The following SERPING1 variants were observed in gnomAD, a reference collection of about 807,000 sequenced individuals.
The protein encoded by SERPING1 is serpin family G member 1.
SERPING1 carries 5 observed loss-of-function variants against 34.1 expected under a neutral mutation model. That is an observed-to-expected ratio of 0.15 (90% CI 0.08 to 0.31). The LOEUF (loss-of-function observed/expected upper bound fraction) is 0.31, where lower values mean the gene tolerates loss of function less well. SERPING1 is among the 10% of genes least tolerant of loss of function. SERPING1 has a pLI of 1.00. For synonymous variants in SERPING1, 225 were observed against 242.4 expected, an observed-to-expected ratio of 0.93 and a Z score of 0.67; for missense variants, 505 against 609.5, an observed-to-expected ratio of 0.83 and a Z score of 1.81.
chr11:57,600,224 T>G lies in SERPING1; in HGVS notation c.397T>G (p.Leu133Val). Residue 133 changes from leucine to valine, a missense_variant, in exon 3 of 8, where the codon TTG (leucine) becomes GTG (valine). By Grantham distance (32) the Leu-to-Val change is conservative. Coordinates refer to ENST00000278407, the MANE Select transcript of SERPING1 (RefSeq NM_000062.3). ...CPGPVTLCSDLESHSTEAVLG... is the reference protein window; with the variant it reads ...CPGPVTLCSDVESHSTEAVLG... ...AGGACCTGTTACTCTCTGCTCTGAC[T>G]TGGAGAGTCATTCAACAGAGGCCGT... is the stretch of plus-strand genomic sequence containing the variant. 6.2e-7 allele frequency: 1 copy of G among 1,613,908 alleles called. No homozygotes were observed. Among genetic ancestry groups the G allele is most frequent in the Non-Finnish European group, 8.5e-7 (1 of 1,179,970 alleles).
chr11:57,614,416 G>A lies in SERPING1; in HGVS notation c.1338G>A (p.Val446=). 1 of 1,614,140 alleles carries A rather than the reference G, an allele frequency of 6.2e-7. No homozygotes were observed. Among genetic ancestry groups the A allele is most frequent in the Non-Finnish European group, 8.5e-7 (1 of 1,180,034 alleles). The stretch of plus-strand genomic sequence containing the variant: ...TTTCTGCGATGCAGCACCAGACAGT[G>A]CTGGAACTGACAGAGACTGGGGTGG... ...LQVSAMQHQT[V]LELTETGVEA... The change falls in exon 8 of 8, where the codon GTG becomes GTA. Residue 446 remains valine, a synonymous_variant. Transcript: ENST00000278407.
intron 4 of SERPING1, among the ~76,000 whole-genome samples, chr11:57,603,318 C>T (rs1443629196): frequency 6.6e-6 from 1 of 151,060 alleles, no homozygotes; most frequent in African/African-American, 2.4e-5. Flanking sequence ...CCGAGGCAGG[C>T]GATTCACAAG....
At chr11:57,602,677 C>T (rs1484583116) in intron 4 of SERPING1, among the ~76,000 whole-genome samples, 1 of 149,482 alleles carries the variant, frequency 6.7e-6, no homozygotes, top group Admixed American at 6.7e-5. Context: ...ATTGCTTGAA[C>T]CTGGGAGGCG....
chr11:57,600,952 A>G (rs1945341481), intron 3 of SERPING1, among the ~76,000 whole-genome samples: 1 of 22,956 alleles, frequency 4.4e-5, no homozygotes, highest in African/African-American at 1.4e-4. Flanking sequence ...CTCTGTCTCA[A>G]AAAAAAAAAA....
At chr11:57,605,302 C>CTT (rs879509470) in intron 4 of SERPING1, among the ~76,000 whole-genome samples, 4 of 144,550 alleles carry the variant, frequency 2.8e-5, no homozygotes, top group African/African-American at 7.6e-5. Context: ...GGGAAAATAT[C>CTT]TTTTTTTTTT....
intron 4 of SERPING1, among the ~76,000 whole-genome samples, chr11:57,602,523 G>A (rs970106860): frequency 5.9e-5 from 9 of 152,130 alleles, no homozygotes; most frequent in Middle Eastern, 3.4e-3. Flanking sequence ...TTGGGAGGCC[G>A]AGGCAGGTGG....
intron 6 of SERPING1, 49 bp from the exon 7 acceptor site, chr11:57,611,668 G>T (rs757873307): frequency 6.5e-7 from 1 of 1,537,474 alleles, no homozygotes; most frequent in Non-Finnish European, 9.0e-7. Context: ...GTGGGGCCAG[G>T]AGAGAGATGC....
chr11:57,605,381 C>T (rs373573509), intron 4 of SERPING1, among the ~76,000 whole-genome samples: 58 of 152,004 alleles, frequency 3.8e-4, no homozygotes, highest in African/African-American at 1.4e-3. Context: ...TCACTGCAAC[C>T]TCCGTCTCCC....
chr11:57,606,395 C>A lies in SERPING1; in HGVS notation c.890-13C>A. On this transcript the variant is annotated splice_polypyrimidine_tract_variant and intron_variant, in intron 5 of 7. Transcript: ENST00000278407. ...ACCTGCATTAGAGCAACCCTCCCAC[C>A]TCTTCCCTCTAGCCAAGTGGAAGAC... 6.2e-7 allele frequency: 1 copy of A among 1,614,138 alleles called. No individual in the cohort carries two copies. Among genetic ancestry groups the A allele is most frequent in the East Asian group, 2.2e-5 (1 of 44,886 alleles).
chr11:57,605,787 A>G (rs1238337805), intron 4 of SERPING1: 5 of 604,574 alleles, frequency 8.3e-6, no homozygotes, highest in Non-Finnish European at 1.2e-5. Context: ...AAGCTGAGGC[A>G]GCGGAGGCTT....
chr11:57,606,258 C>T (rs1187546579), intron 5 of SERPING1, 45 bp downstream of exon 5: 2 of 1,610,132 alleles, frequency 1.2e-6, no homozygotes, highest in Non-Finnish European at 1.7e-6. Context: ...CTGGGTCCTT[C>T]TTCCCCTCCT....
chr11:57,608,469 G>A (rs897013566), intron 6 of SERPING1, among the ~76,000 whole-genome samples: 2 of 152,072 alleles, frequency 1.3e-5, no homozygotes, highest in Non-Finnish European at 2.9e-5. Flanking sequence ...GGTATAATAT[G>A]AAGAGTAATT....
At chr11:57,607,669 GTT>G (rs904588253) in intron 6 of SERPING1, among the ~76,000 whole-genome samples, 24 of 152,000 alleles carry the variant, frequency 1.6e-4, no homozygotes, top group Admixed American at 9.8e-4. Flanking sequence ...ATAGAGGAGG[GTT>G]TTTTTCGAGA....
At chr11:57,601,593 C>T (rs2135310417) in intron 3 of SERPING1, among the ~76,000 whole-genome samples, 1 of 152,118 alleles carries the variant, frequency 6.6e-6, no homozygotes, top group Admixed American at 6.6e-5. Flanking sequence ...GCTACAGAAT[C>T]TTTCTTGGCT....
chr11:57,602,284 G>A, intron 4 of SERPING1, 115 bp downstream of exon 4: 1 of 1,268,590 alleles, frequency 7.9e-7, no homozygotes, highest in Non-Finnish European at 1.1e-6. Context: ...ACAGTATCAG[G>A]GATGGACTGC....
rs1166243908 is a variant in SERPING1, at chr11:57,597,718, T to C, written c.-27T>C. Reference sequence around the variant, plus strand: ...CTGGAGCTGCCTGGTGACCAGAAGTTTGGAGTAGGTTTGGTGCTGGGCAGG... The same window carrying C: ...CTGGAGCTGCCTGGTGACCAGAAGTCTGGAGTAGGTTTGGTGCTGGGCAGG... On this transcript the variant is annotated 5_prime_UTR_variant, in exon 1 of 8. Transcript: ENST00000278407. The C allele has an allele frequency of 6.6e-6, 1 of 152,334 alleles. No homozygotes were observed. Among genetic ancestry groups the C allele is most frequent in the Non-Finnish European group, 1.5e-5 (1 of 68,448 alleles). 9.4% of individuals were successfully genotyped at this position (152,334 alleles called of 1,614,324 possible). A position where few individuals can be genotyped will look rare whatever the true frequency, so the allele number is the denominator to read the frequency against.
At chr11:57,600,545 T>G (rs1447176450) in intron 3 of SERPING1, among the ~76,000 whole-genome samples, 168 bp downstream of exon 3, 2 of 152,178 alleles carry the variant, frequency 1.3e-5, no homozygotes, top group Non-Finnish European at 2.9e-5. Context: ...GAACATTCCA[T>G]CATTTCACAG....
chr11:57,598,037 A>G lies in SERPING1; in HGVS notation c.-22-212A>G, dbSNP rs28362942. The G allele has an allele frequency of 2.7e-3, 1,507 of 550,246 alleles. 17 individuals are homozygous for G. The highest frequency in any genetic ancestry group is 0.027 in the African/African-American group (1,387 of 52,000). The allele number at this position is 550,246 out of a possible 1,614,324, so 34.1% of individuals were successfully genotyped here. A position where few individuals can be genotyped will look rare whatever the true frequency, so the allele number is the denominator to read the frequency against. On this transcript the variant is annotated intron_variant, in intron 1 of 7. Coordinates refer to ENST00000278407, the MANE Select transcript of SERPING1 (RefSeq NM_000062.3). The stretch of plus-strand genomic sequence containing the variant: ...GACAGAGACCCGGGCCCACGGGGAG[A>G]GGAAGGGCCAGCCGGTGCCGGGAAA...
Position 57,598,351 on chromosome 11 carries a change from G to C in SERPING1, c.51+30G>C, listed in dbSNP as rs912891412. ...GTGGTCCCTTGTGGGATGGGGGACGGGGGTGGAGACGGGAGGCGGGATGGT... is the reference window on the plus strand; with the variant it reads ...GTGGTCCCTTGTGGGATGGGGGACGCGGGTGGAGACGGGAGGCGGGATGGT... On this transcript the variant is annotated intron_variant, in intron 2 of 7. Transcript: ENST00000278407. 15 of 1,547,810 alleles carry C rather than the reference G, an allele frequency of 9.7e-6. No homozygotes were observed. In the Admixed American group the frequency reaches 1.7e-4, roughly 18 times the overall value.
Sources: gnomAD v4.1 joint callset for allele counts (sites outside exome capture counted in the v4.1 genomes callset) on GRCh38, gnomAD v4.1.1 for gene constraint, MANE v1.5 for transcripts, NCBI Gene and HGNC (gene_info 2026-07-23, HGNC 2026-07-21) for gene names.